The following CLVS1 variants were observed in gnomAD, a reference collection of about 807,000 sequenced individuals.
The protein encoded by CLVS1 is clavesin-1.
In CLVS1, 10 loss-of-function variants were observed where a neutral mutation model predicts 33.1. The ratio of observed to expected loss-of-function variants is 0.30; its 90% CI spans 0.19 to 0.51. CLVS1 has a LOEUF of 0.51. Ranked by LOEUF, CLVS1 falls within the 20% of genes least tolerant of loss-of-function variation. The pLI is 0.97. For missense variants in CLVS1, 343 were observed against 433.4 expected, an observed-to-expected ratio of 0.79 and a Z score of 1.85; for synonymous variants, 163 against 166.1, an observed-to-expected ratio of 0.98 and a Z score of 0.14.
intron 5 of CLVS1, among the ~76,000 whole-genome samples, chr8:61,473,634 C>A (rs1817812367): frequency 6.6e-6 from 1 of 152,088 alleles, no homozygotes; most frequent in Non-Finnish European, 1.5e-5. Flanking sequence ...TGTAGGAGAT[C>A]ATTGTAGCCT....
intron 2 of CLVS1, among the ~76,000 whole-genome samples, chr8:61,245,332 G>A (rs1219342332): frequency 3.3e-5 from 5 of 151,534 alleles, no homozygotes; most frequent in African/African-American, 4.9e-5. Flanking sequence ...ATAGGCATGC[G>A]CCACCATGCC....
intron 5 of CLVS1, among the ~76,000 whole-genome samples, chr8:61,471,392 A>T (rs886536211): frequency 6.6e-6 from 1 of 152,174 alleles, no homozygotes; most frequent in Non-Finnish European, 1.5e-5. Flanking sequence ...TCCAAATAAA[A>T]GTTTTCTCAC....
chr8:61,447,712 A>G (rs908345413), intron 3 of CLVS1, among the ~76,000 whole-genome samples: 1 of 152,028 alleles, frequency 6.6e-6, no homozygotes, highest in African/African-American at 2.4e-5. Flanking sequence ...CCCTACATAC[A>G]TCTTTGAACC....
chr8:61,454,134 G>GC lies in CLVS1; in HGVS notation c.631-3dup, dbSNP rs749651757. On this transcript the variant is annotated splice_region_variant and splice_polypyrimidine_tract_variant and intron_variant, in intron 3 of 5. Transcript: ENST00000325897. ...AATCGGTGTGCATTTCTCTCTTTCT[G>GC]CCCCAGGACAGCTTTCCTGCCCGCT... The GC allele has an allele frequency of 5.6e-6, 9 of 1,605,248 alleles. No individual in the cohort carries two copies. The highest frequency in any genetic ancestry group is 5.4e-5 in the African/African-American group (4 of 74,674).
chr8:61,347,119 G>T (rs115259700), intron 2 of CLVS1, among the ~76,000 whole-genome samples: 2,451 of 152,286 alleles, frequency 0.016, 75 homozygotes, highest in African/African-American at 0.055. Flanking sequence ...ACCCCTAGTT[G>T]CCTGAGATGA....
At chr8:60,996,929 G>A in the CLVS1 span, among the ~76,000 whole-genome samples, 2 of 151,846 alleles carry the variant, frequency 1.3e-5, no homozygotes, top group Non-Finnish European at 2.9e-5. Flanking sequence ...TCAGCTAATT[G>A]GACTACATGA....
At chr8:61,474,027 G>A (rs1817825415) in intron 5 of CLVS1, among the ~76,000 whole-genome samples, 1 of 152,142 alleles carries the variant, frequency 6.6e-6, no homozygotes, top group Admixed American at 6.5e-5. Context: ...GCATAAAGAG[G>A]CAAATGCAAG....
At chr8:61,335,498 A>C (rs1811767179) in intron 2 of CLVS1, among the ~76,000 whole-genome samples, 1 of 152,212 alleles carries the variant, frequency 6.6e-6, no homozygotes, top group South Asian at 2.1e-4. Flanking sequence ...GAAGATCATC[A>C]AAACCAAGGT....
At chr8:61,075,352 C>T (rs1261956354) in intron 1 of CLVS1, among the ~76,000 whole-genome samples, 1 of 152,192 alleles carries the variant, frequency 6.6e-6, no homozygotes, top group Non-Finnish European at 1.5e-5. Flanking sequence ...TATGACAGAT[C>T]AGCAAGCACC....
chr8:61,466,146 G>A (rs1281556978), intron 5 of CLVS1, among the ~76,000 whole-genome samples: 2 of 152,172 alleles, frequency 1.3e-5, no homozygotes, highest in African/African-American at 4.8e-5. Context: ...ACAAAGAATA[G>A]TAAATAAGCT....
chr8:60,993,991 A>T, the CLVS1 span, among the ~76,000 whole-genome samples: 4 of 152,226 alleles, frequency 2.6e-5, no homozygotes, highest in Non-Finnish European at 4.4e-5. Context: ...TAAACTGAAT[A>T]TGTAGGCTGT....
At chr8:60,985,650 A>G in the CLVS1 span, among the ~76,000 whole-genome samples, 1 of 152,224 alleles carries the variant, frequency 6.6e-6, no homozygotes, top group Admixed American at 6.5e-5. Flanking sequence ...GGCTTGAATT[A>G]ATGAAATAAT....
At chr8:61,238,841 A>G (rs1451630364) in intron 2 of CLVS1, among the ~76,000 whole-genome samples, 1 of 152,242 alleles carries the variant, frequency 6.6e-6, no homozygotes, top group Non-Finnish European at 1.5e-5. Flanking sequence ...TCTAATGGAT[A>G]TCTTTAAACA....
the CLVS1 span, among the ~76,000 whole-genome samples, chr8:61,008,805 A>G: frequency 6.6e-6 from 1 of 152,210 alleles, no homozygotes; most frequent in Admixed American, 6.5e-5. Context: ...ATTTCCCCAA[A>G]TGCTTCCCAG....
At chr8:61,023,774 C>T in the CLVS1 span, among the ~76,000 whole-genome samples, 18 of 152,228 alleles carry the variant, frequency 1.2e-4, no homozygotes, top group Non-Finnish European at 2.1e-4. Context: ...CGGCCCAGCG[C>T]GCTGGCCCTG....
chr8:61,158,951 A>G (rs1806700707), intron 2 of CLVS1, among the ~76,000 whole-genome samples: 1 of 152,188 alleles, frequency 6.6e-6, no homozygotes, highest in African/African-American at 2.4e-5. Flanking sequence ...TTCAGCCTCC[A>G]GAGTAGCTAG....
intron 2 of CLVS1, among the ~76,000 whole-genome samples, chr8:61,279,824 A>C (rs977852501): frequency 6.6e-6 from 1 of 152,246 alleles, no homozygotes; most frequent in African/African-American, 2.4e-5. Context: ...GAGTCTGAAT[A>C]AAATTTTTGG....
the CLVS1 span, among the ~76,000 whole-genome samples, chr8:61,033,643 G>C: frequency 3.9e-5 from 6 of 152,206 alleles, no homozygotes; most frequent in Non-Finnish European, 7.3e-5. Flanking sequence ...CCATGGTCTG[G>C]AACAGCCTGG....
chr8:61,395,849 ACGT>A (rs1814504614), intron 3 of CLVS1, among the ~76,000 whole-genome samples: 1 of 152,230 alleles, frequency 6.6e-6, no homozygotes, highest in Admixed American at 6.5e-5. Flanking sequence ...ACAACTAGAA[ACGT>A]CATCATAAAC....
Sources: allele counts gnomAD v4.1 joint callset (sites outside exome capture counted in the v4.1 genomes callset), GRCh38; gene constraint gnomAD v4.1.1; transcripts MANE v1.5; gene names NCBI Gene and HGNC (gene_info 2026-07-23, HGNC 2026-07-21).